Variants in TMEM132C observed in about 807,000 individuals in gnomAD.
TMEM132C encodes the protein protein phosphatase 1, regulatory subunit 152.
Under a neutral mutation model 61.4 loss-of-function variants are expected in TMEM132C, and 29 were observed. The observed-to-expected ratio is 0.47, with a 90% CI of 0.35 to 0.64. TMEM132C has a LOEUF of 0.64. Ranked by LOEUF, TMEM132C falls within the 30% of genes least tolerant of loss-of-function variation. The pLI is 0.00. For synonymous variants in TMEM132C, 656 were observed against 633.1 expected, an observed-to-expected ratio of 1.04 and a Z score of -0.54; for missense variants, 1,408 against 1,476.9, an observed-to-expected ratio of 0.95 and a Z score of 0.76.
intron 2 of TMEM132C, among the ~76,000 whole-genome samples, chr12:128,527,325 G>A (rs1451986461): frequency 6.6e-6 from 1 of 152,160 alleles, no homozygotes; most frequent in African/African-American, 2.4e-5. Flanking sequence ...ATGCGTAGCT[G>A]TTTTTTTACG....
intron 2 of TMEM132C, among the ~76,000 whole-genome samples, chr12:128,473,327 T>TCCTCACGCCAGCCTC (rs1159478533): frequency 7.3e-4 from 106 of 145,706 alleles, no homozygotes; most frequent in East Asian, 1.2e-3. Flanking sequence ...TCTATCTTCA[T>TCCTCACGCCAGCCTC]CTTCAGTCCA....
intron 4 of TMEM132C, among the ~76,000 whole-genome samples, chr12:128,636,764 C>G (rs1046829582): frequency 1.3e-5 from 2 of 152,282 alleles, no homozygotes; most frequent in African/African-American, 4.8e-5. Flanking sequence ...GACATCTCTT[C>G]ATTCCCCCTC....
intron 1 of TMEM132C, among the ~76,000 whole-genome samples, chr12:128,383,034 CTG>C (rs202023285): frequency 4.6e-5 from 7 of 151,672 alleles, no homozygotes; most frequent in African/African-American, 9.7e-5. Flanking sequence ...GTATGCATGT[CTG>C]TGTGTGTGCA....
chr12:128,433,694 C>T (rs983147907), intron 2 of TMEM132C, among the ~76,000 whole-genome samples: 2 of 152,120 alleles, frequency 1.3e-5, no homozygotes, highest in Non-Finnish European at 2.9e-5. Context: ...ATCTGAGAAA[C>T]CCCCTGGGAA....
At chr12:128,519,091 G>T (rs1872815208) in intron 2 of TMEM132C, among the ~76,000 whole-genome samples, 1 of 152,148 alleles carries the variant, frequency 6.6e-6, no homozygotes, top group Non-Finnish European at 1.5e-5. Context: ...TTGTGTGGGG[G>T]TGTTAAACAT....
intron 3 of TMEM132C, among the ~76,000 whole-genome samples, chr12:128,566,189 CAAA>C (rs59258589): frequency 2.1e-4 from 14 of 67,812 alleles, no homozygotes; most frequent in East Asian, 9.1e-4. Context: ...CAAGCCTAAC[CAAA>C]AAAAAAAAAA....
rs185904080 is a variant in TMEM132C at position 128,513,710 on chromosome 12, T to G, written c.975-30247T>G. On this transcript the variant is annotated intron_variant, in intron 2 of 8. Transcript: ENST00000435159. Reference sequence around the variant, plus strand: ...AGGTATAAAAATGAGATGTAGGCACTAGAGAGATTTCTTTTTACTGAAGAA... The same window carrying G: ...AGGTATAAAAATGAGATGTAGGCACGAGAGAGATTTCTTTTTACTGAAGAA... Among the ~76,000 whole-genome samples the G allele has an allele frequency of 2.6e-5, 4 of 152,314 alleles. No homozygotes were observed. In the East Asian group the frequency reaches 7.7e-4, roughly 29 times the overall value.
intron 5 of TMEM132C, among the ~76,000 whole-genome samples, chr12:128,680,831 G>A (rs1479912000): frequency 1.3e-5 from 2 of 152,172 alleles, no homozygotes; most frequent in South Asian, 4.1e-4. Context: ...ACCATTTACT[G>A]ATGAGTCAGA....
chr12:128,614,189 A>G (rs533805560), intron 3 of TMEM132C, among the ~76,000 whole-genome samples: 1 of 152,166 alleles, frequency 6.6e-6, no homozygotes, highest in African/African-American at 2.4e-5. Context: ...AGCTCGGCCA[A>G]CTTCCCCTTC....
chr12:128,680,094 A>T (rs1355174029), intron 5 of TMEM132C, among the ~76,000 whole-genome samples: 1 of 152,212 alleles, frequency 6.6e-6, no homozygotes, highest in African/African-American at 2.4e-5. Context: ...AAACGTTAAG[A>T]TGCATGAAAT....
chr12:128,304,579 A>C (rs1393027534), intron 1 of TMEM132C, among the ~76,000 whole-genome samples: 4 of 152,042 alleles, frequency 2.6e-5, no homozygotes, highest in African/African-American at 9.7e-5. Context: ...ACTGCACTCC[A>C]GCCTGGGTGA....
intron 3 of TMEM132C, among the ~76,000 whole-genome samples, chr12:128,571,205 T>C (rs548338858): frequency 1.3e-5 from 2 of 152,314 alleles, no homozygotes; most frequent in African/African-American, 2.4e-5. Context: ...TTGATGACAT[T>C]GCGGAGTCAC....
Position 128,707,202 on chromosome 12 carries a change from T to C in TMEM132C, c.*907T>C, listed in dbSNP as rs1954848684. The C allele has an allele frequency of 6.6e-6, 1 of 152,152 alleles. No individual in the cohort carries two copies. The highest frequency in any genetic ancestry group is 1.5e-5 in the Non-Finnish European group (1 of 68,078). The allele number at this position is 152,152 out of a possible 1,614,324, so 9.4% of individuals were successfully genotyped here. On this transcript the variant is annotated 3_prime_UTR_variant, in exon 9 of 9. Transcript: ENST00000435159. ...GCAGGTGTGGCCCTGTGAGGGGCTG[T>C]ACAGACGGGATGTGGCCAGGAGAAC...
chr12:128,418,473 C>T (rs1868860664), intron 2 of TMEM132C, among the ~76,000 whole-genome samples: 1 of 152,212 alleles, frequency 6.6e-6, no homozygotes, highest in South Asian at 2.1e-4. Context: ...CTTAATCTCC[C>T]TCTTTCTCTC....
chr12:128,344,084 A>C (rs1056795380), intron 1 of TMEM132C, among the ~76,000 whole-genome samples: 4 of 152,188 alleles, frequency 2.6e-5, no homozygotes, highest in Admixed American at 2.6e-4. Context: ...CCTTTTGGCT[A>C]TTACGAATAA....
chr12:128,276,058 C>T (rs1385835624), intron 1 of TMEM132C, among the ~76,000 whole-genome samples: 4 of 152,124 alleles, frequency 2.6e-5, no homozygotes, highest in Non-Finnish European at 5.9e-5. Flanking sequence ...GATTTATAAC[C>T]CACTGTAATC....
chr12:128,377,353 C>G (rs369926343), intron 1 of TMEM132C, among the ~76,000 whole-genome samples: 2 of 152,132 alleles, frequency 1.3e-5, no homozygotes, highest in African/African-American at 4.8e-5. Context: ...GTGCCTGGCC[C>G]GAGAATCTTT....
intron 5 of TMEM132C, among the ~76,000 whole-genome samples, chr12:128,679,203 T>C (rs7135378): frequency 0.029 from 4,412 of 152,320 alleles, 183 homozygotes; most frequent in African/African-American, 0.098. Flanking sequence ...TGCTGAGAGC[T>C]GAGAGCTGTT....
At chr12:128,410,210 C>A (rs1034538467) in intron 1 of TMEM132C, among the ~76,000 whole-genome samples, 3 of 152,026 alleles carry the variant, frequency 2.0e-5, no homozygotes, top group Non-Finnish European at 4.4e-5. Context: ...AGAAGAGTTA[C>A]AAGAATAGTG....
Sources: gnomAD v4.1 joint callset for allele counts (sites outside exome capture counted in the v4.1 genomes callset) on GRCh38, gnomAD v4.1.1 for gene constraint, MANE v1.5 for transcripts, NCBI Gene and HGNC (gene_info 2026-07-23, HGNC 2026-07-21) for gene names.